MLXIP: variants seen among roughly 807,000 people sequenced by gnomAD.
MLXIP encodes MLX-interacting protein.
MLXIP carries 30 observed loss-of-function variants against 87.2 expected under a neutral mutation model. That is an observed-to-expected ratio of 0.34 (90% confidence interval 0.26 to 0.47). MLXIP has a LOEUF of 0.47. MLXIP is among the 20% of genes least tolerant of loss of function. MLXIP has a pLI of 1.00. For synonymous variants in MLXIP, 530 were observed against 514.0 expected, an observed-to-expected ratio of 1.03 and a Z score of -0.42; for missense variants, 1,002 against 1,240.1, an observed-to-expected ratio of 0.81 and a Z score of 2.88.
At chr12:122,130,424 G>T (rs1330242743) in intron 6 of MLXIP, among the ~76,000 whole-genome samples, 1 of 151,798 alleles carries the variant, frequency 6.6e-6, no homozygotes, top group Non-Finnish European at 1.5e-5. Flanking sequence ...GGGTACGTGT[G>T]CCGTGCCTAA....
chr12:122,121,628 C>T (rs557397126), intron 1 of MLXIP, among the ~76,000 whole-genome samples: 5 of 152,166 alleles, frequency 3.3e-5, no homozygotes, highest in South Asian at 2.1e-4. Context: ...TCGTCCCAGC[C>T]AGACCGAACA....
chr12:122,083,978 G>C (rs987518355), intron 1 of MLXIP, among the ~76,000 whole-genome samples: 2 of 152,184 alleles, frequency 1.3e-5, no homozygotes, highest in African/African-American at 4.8e-5. Flanking sequence ...CCGTTGCAGG[G>C]TGTGCACTGA....
chr12:122,083,291 A>G (rs1952117981), intron 1 of MLXIP, among the ~76,000 whole-genome samples: 1 of 152,152 alleles, frequency 6.6e-6, no homozygotes, highest in South Asian at 2.1e-4. Context: ...CAGTTTCTGG[A>G]AAATAGGTTT....
chr12:122,134,205 GT>G (rs57471735), intron 9 of MLXIP: 7,845 of 493,760 alleles, frequency 0.016, no homozygotes, highest in East Asian at 0.029. Flanking sequence ...TTTTTGTTTG[GT>G]TTTTTTTTTT....
intron 4 of MLXIP, 115 bp downstream of exon 4, chr12:122,129,341 G>T: frequency 9.7e-7 from 1 of 1,028,334 alleles, no homozygotes. Context: ...AACGTGGAGC[G>T]TCAAGCAGTA....
chr12:122,111,025 C>T (rs1952598769), intron 1 of MLXIP, among the ~76,000 whole-genome samples: 1 of 142,768 alleles, frequency 7.0e-6, no homozygotes, highest in South Asian at 2.2e-4. Flanking sequence ...TGCAGTGAGC[C>T]GAGATGGCGC....
At chr12:122,093,254 G>GTT in intron 1 of MLXIP, among the ~76,000 whole-genome samples, 1 of 149,002 alleles carries the variant, frequency 6.7e-6, no homozygotes, top group East Asian at 2.0e-4. Context: ...TGGTGTGTGT[G>GTT]CAGTGNGGGT....
rs553709767 is a variant in MLXIP, at chr12:122,137,451, G to A, written c.2033-18G>A. ...AGGGGCCAGGCCTCCGCCCCTCAGAGGAGTCTGTTCTTACCAGGTCGGGAC... is the reference window on the plus strand; with the variant it reads ...AGGGGCCAGGCCTCCGCCCCTCAGAAGAGTCTGTTCTTACCAGGTCGGGAC... On this transcript the variant is annotated intron_variant, in intron 11 of 16. Coordinates refer to ENST00000319080, the MANE Select transcript of MLXIP (RefSeq NM_014938.6). This position sits in a 1 kb window ranked among gnomAD's most constrained non-coding sequence, Gnocchi z 4.1. The A allele has an allele frequency of 2.5e-6, 4 of 1,610,488 alleles. No individual in the cohort carries two copies. Among genetic ancestry groups the A allele is most frequent in the African/African-American group, 1.3e-5 (1 of 74,966 alleles).
intron 1 of MLXIP, among the ~76,000 whole-genome samples, chr12:122,092,404 A>C (rs1433640851): frequency 6.6e-6 from 1 of 152,024 alleles, no homozygotes; most frequent in African/African-American, 2.4e-5. Flanking sequence ...CAGTCAAGGT[A>C]GTTTTTTTTA....
intron 7 of MLXIP, 85 bp downstream of exon 7, chr12:122,131,018 C>T (rs1010632922): frequency 7.7e-6 from 7 of 910,032 alleles, no homozygotes; most frequent in South Asian, 1.4e-5. Context: ...CTTTAAGAGG[C>T]GAGACTTGGT....
At chr12:122,080,121 C>T (rs1952070055) in intron 1 of MLXIP, among the ~76,000 whole-genome samples, 1 of 152,142 alleles carries the variant, frequency 6.6e-6, no homozygotes, top group Non-Finnish European at 1.5e-5. Flanking sequence ...AGCGCTTTTT[C>T]ACTCTCTCTC....
intron 5 of MLXIP, 90 bp from the exon 6 acceptor site, chr12:122,129,851 T>C (rs1952944419): frequency 6.6e-7 from 1 of 1,510,382 alleles, no homozygotes; most frequent in Admixed American, 2.0e-5. Context: ...GAGCACCCCT[T>C]TGACGAATTT....
chr12:122,104,301 C>CA (rs547856505), intron 1 of MLXIP, among the ~76,000 whole-genome samples: 67 of 152,346 alleles, frequency 4.4e-4, no homozygotes, highest in African/African-American at 1.6e-3. Context: ...GCGCCCTTCC[C>CA]AGGCATCCTC....
At chr12:122,094,498 CTGTGTGTGTGGTGTGTTGGTGTGTGTGT>C (rs1565960462) in intron 1 of MLXIP, among the ~76,000 whole-genome samples, 1 of 122,872 alleles carries the variant, frequency 8.1e-6, no homozygotes, top group East Asian at 2.7e-4. Flanking sequence ...TTTGCAATGT[CTGTGTGTGTGGTGTGTTGGTGTGTGTGT>C]TGTGTGTGGT....
At chr12:122,124,144 C>T (rs1474906769) in intron 1 of MLXIP, among the ~76,000 whole-genome samples, 5 of 151,140 alleles carry the variant, frequency 3.3e-5, no homozygotes, top group Non-Finnish European at 4.4e-5. Context: ...GGAACCTCCC[C>T]GCCTCAGCTG....
At chr12:122,117,701 C>A (rs1952714355) in intron 1 of MLXIP, among the ~76,000 whole-genome samples, 1 of 152,162 alleles carries the variant, frequency 6.6e-6, no homozygotes, top group African/African-American at 2.4e-5. Context: ...AGTAGTCCCC[C>A]CTTATCTGAG....
At chr12:122,096,246 G>T (rs1565961430) in intron 1 of MLXIP, among the ~76,000 whole-genome samples, 1 of 152,094 alleles carries the variant, frequency 6.6e-6, no homozygotes, top group Non-Finnish European at 1.5e-5. Context: ...CCCGGCTTCT[G>T]CAGTGTTTCT....
intron 15 of MLXIP, 76 bp from the exon 16 acceptor site, chr12:122,140,878 G>T (rs1281900071): frequency 1.3e-5 from 21 of 1,609,812 alleles, no homozygotes; most frequent in Non-Finnish European, 1.7e-5. Flanking sequence ...AAAGGAGTAC[G>T]CCAGTCCAAC....
Position 122,144,740 on chromosome 12 carries a change from A to G in MLXIP, c.*2928A>G, listed in dbSNP as rs1374223811. On this transcript the variant is annotated 3_prime_UTR_variant, in exon 17 of 17. Transcript: ENST00000319080. Reference sequence around the variant, plus strand: ...GTCTATACTAAAAATACAAAACATTAGCCACGTGTGGTGGTACACGCCTGT... The same window carrying G: ...GTCTATACTAAAAATACAAAACATTGGCCACGTGTGGTGGTACACGCCTGT... 6.6e-6 allele frequency: 1 copy of G among 152,122 alleles called. No homozygotes were observed. The highest frequency in any genetic ancestry group is 1.5e-5 in the Non-Finnish European group (1 of 68,038). 9.4% of individuals were successfully genotyped at this position (152,122 alleles called of 1,614,324 possible).
Sources: allele counts gnomAD v4.1 joint callset (sites outside exome capture counted in the v4.1 genomes callset), GRCh38; gene constraint gnomAD v4.1.1; non-coding constraint Gnocchi (gnomAD v3.1); transcripts MANE v1.5; gene names NCBI Gene and HGNC (gene_info 2026-07-23, HGNC 2026-07-21).